MACROD2: variants seen among roughly 807,000 people sequenced by gnomAD.
MACROD2 encodes the protein mono-ADP ribosylhydrolase 2, also known as ADP-ribose glycohydrolase MACROD2.
A neutral mutation model predicts 70.4 loss-of-function variants in MACROD2; 36 were observed. The observed-to-expected ratio is 0.51, with a 90% CI of 0.39 to 0.68. The LOEUF (loss-of-function observed/expected upper bound fraction) is 0.68, where lower values mean the gene tolerates loss of function less well. Among genes scored for constraint, MACROD2 ranks in the 30% least tolerant of loss-of-function variants. The pLI is 0.00. For missense variants in MACROD2, 496 were observed against 538.4 expected (o/e 0.92, Z 0.78); for synonymous variants, 172 against 178.8 (o/e 0.96, Z 0.30).
rs111767648 is a variant in MACROD2, at chr20:15,254,771, A to G, written c.540+24710A>G. On this transcript the variant is annotated intron_variant, in intron 6 of 17. Coordinates refer to ENST00000684519, the MANE Select transcript of MACROD2 (RefSeq NM_001351661.2). ...TTTTAACAAAGAAACAGAGAATCAG[A>G]GCAGTTAAATGACTTCCTTGGTCAT... Among the ~76,000 whole-genome samples, 406 of 152,242 alleles carry G rather than the reference A, an allele frequency of 2.7e-3. 1 individual carries two copies. Among genetic ancestry groups the G allele is most frequent in the Admixed American group, 6.8e-3 (104 of 15,266 alleles).
chr20:15,339,008 C>T (rs537660600), intron 6 of MACROD2, among the ~76,000 whole-genome samples: 2 of 151,910 alleles, frequency 1.3e-5, no homozygotes, highest in Admixed American at 6.5e-5. Context: ...GCTTCATTGG[C>T]TCCTTCAAAT....
intron 5 of MACROD2, among the ~76,000 whole-genome samples, chr20:14,897,463 C>A (rs2073844256): frequency 6.6e-6 from 1 of 151,926 alleles, no homozygotes; most frequent in Non-Finnish European, 1.5e-5. Flanking sequence ...TAATGATGCC[C>A]AAATAAAATT....
At chr20:15,750,025 C>A (rs1030918740) in intron 8 of MACROD2, among the ~76,000 whole-genome samples, 1 of 151,910 alleles carries the variant, frequency 6.6e-6, no homozygotes, top group African/African-American at 2.4e-5. Context: ...AACTAAAAAC[C>A]TTTTTCACAG....
At chr20:15,354,251 C>CA (rs2078260884) in intron 6 of MACROD2, among the ~76,000 whole-genome samples, 1 of 151,590 alleles carries the variant, frequency 6.6e-6, no homozygotes, top group Non-Finnish European at 1.5e-5. Flanking sequence ...ATCGCAAGGA[C>CA]AAAAAACCAA....
At chr20:15,413,281 A>G (rs1305577990) in intron 6 of MACROD2, among the ~76,000 whole-genome samples, 1 of 152,192 alleles carries the variant, frequency 6.6e-6, no homozygotes, top group Non-Finnish European at 1.5e-5. Flanking sequence ...TCAAGGTTGA[A>G]ATTGCAGGCA....
intron 12 of MACROD2, among the ~76,000 whole-genome samples, chr20:15,949,509 G>A (rs2065876286): frequency 6.6e-6 from 1 of 152,114 alleles, no homozygotes; most frequent in South Asian, 2.1e-4. Context: ...ACCATAGGGC[G>A]TGCACCAGTT....
intron 4 of MACROD2, among the ~76,000 whole-genome samples, chr20:14,607,961 A>G (rs539652420): frequency 5.3e-5 from 8 of 152,244 alleles, no homozygotes; most frequent in African/African-American, 1.4e-4. Context: ...GGTTAAATCT[A>G]CCAGGAAAAG....
At chr20:14,315,062 G>A (rs1478569741) in intron 3 of MACROD2, among the ~76,000 whole-genome samples, 4 of 152,016 alleles carry the variant, frequency 2.6e-5, no homozygotes, top group African/African-American at 7.2e-5. Context: ...ATAGTGTTCT[G>A]GTGTATTTTG....
intron 3 of MACROD2, among the ~76,000 whole-genome samples, chr20:14,259,804 A>T (rs762119828): frequency 6.6e-6 from 1 of 152,228 alleles, no homozygotes; most frequent in Non-Finnish European, 1.5e-5. Flanking sequence ...GTGTCTTGGT[A>T]TGTAGAGAAG....
At chr20:14,432,190 G>T (rs1203035462) in intron 3 of MACROD2, among the ~76,000 whole-genome samples, 1 of 152,018 alleles carries the variant, frequency 6.6e-6, no homozygotes, top group Non-Finnish European at 1.5e-5. Context: ...TGCTGTTCCT[G>T]GACATTGTTG....
intron 2 of MACROD2, among the ~76,000 whole-genome samples, chr20:14,061,084 C>G (rs2053685611): frequency 1.3e-5 from 2 of 152,024 alleles, no homozygotes; most frequent in South Asian, 2.1e-4. Flanking sequence ...TATGTATATA[C>G]ACCATAGAAG....
intron 4 of MACROD2, among the ~76,000 whole-genome samples, chr20:14,530,314 C>A (rs548405029): frequency 4.6e-5 from 7 of 152,176 alleles, no homozygotes; most frequent in African/African-American, 1.7e-4. Flanking sequence ...AGACCAACAA[C>A]AACTGCCACA....
At chr20:15,484,351 T>G (rs1600479462) in intron 7 of MACROD2, among the ~76,000 whole-genome samples, 1 of 152,192 alleles carries the variant, frequency 6.6e-6, no homozygotes, top group African/African-American at 2.4e-5. Context: ...TATAGTTATG[T>G]GATTAGATCT....
At chr20:15,930,246 T>G (rs548782550) in intron 10 of MACROD2, among the ~76,000 whole-genome samples, 1 of 152,158 alleles carries the variant, frequency 6.6e-6, no homozygotes, top group African/African-American at 2.4e-5. Flanking sequence ...ACAAGGCTGA[T>G]AAAAAAGAAA....
chr20:14,594,435 T>C (rs1981986346), intron 4 of MACROD2, among the ~76,000 whole-genome samples: 1 of 152,244 alleles, frequency 6.6e-6, no homozygotes, highest in Non-Finnish European at 1.5e-5. Flanking sequence ...ATAGATACGT[T>C]AAAATTGTAT....
chr20:14,322,131 G>C (rs1188851003), intron 3 of MACROD2, among the ~76,000 whole-genome samples: 2 of 131,892 alleles, frequency 1.5e-5, no homozygotes, highest in Non-Finnish European at 3.2e-5. Context: ...TATAATTATT[G>C]AGTGCCCTTT....
rs563276978 is a variant in MACROD2 at position 15,925,581 on chromosome 20, G to A, written c.776-7695G>A. 2.0e-5 allele frequency among the ~76,000 whole-genome samples: 3 copies of A among 152,216 alleles called. No homozygotes were observed. In the South Asian group the frequency reaches 6.2e-4, roughly 32 times the overall value. On this transcript the variant is annotated intron_variant, in intron 10 of 17. Coordinates refer to ENST00000684519, the MANE Select transcript of MACROD2 (RefSeq NM_001351661.2). ...CCACGGCAAGTTTTGGTACGCTTGG[G>A]TCATACCTTCAATGTTGAAATGCCT...
chr20:14,519,715 G>T (rs564086893), intron 4 of MACROD2, among the ~76,000 whole-genome samples: 1 of 152,092 alleles, frequency 6.6e-6, no homozygotes, highest in African/African-American at 2.4e-5. Flanking sequence ...CCATTATTGG[G>T]TATATACCCA....
At chr20:15,234,321 C>T (rs1044515173) in intron 6 of MACROD2, among the ~76,000 whole-genome samples, 12 of 151,292 alleles carry the variant, frequency 7.9e-5, no homozygotes, top group African/African-American at 2.2e-4. Context: ...CGTGAGCCAC[C>T]GCGCCCGGCC....
Sources: allele counts gnomAD v4.1 joint callset (sites outside exome capture counted in the v4.1 genomes callset), GRCh38; gene constraint gnomAD v4.1.1; transcripts MANE v1.5; gene names NCBI Gene and HGNC (gene_info 2026-07-23, HGNC 2026-07-21).